Variants in GCN1 observed in about 807,000 individuals in gnomAD.
GCN1 encodes the protein stalled ribosome sensor GCN1.
GCN1 carries 90 observed loss-of-function variants against 288.4 expected under a neutral mutation model. The observed-to-expected ratio is 0.31, with a 90% CI of 0.26 to 0.37. GCN1 has a LOEUF of 0.37. Among genes scored for constraint, GCN1 ranks in the 10% least tolerant of loss-of-function variants. The probability of loss-of-function intolerance (pLI) is 1.00; values close to 1 mark genes in which losing one functional copy is unlikely to be tolerated. For synonymous variants in GCN1, 1,386 were observed against 1,420.2 expected (o/e 0.98, Z 0.54); for missense variants, 2,586 against 3,419.9 (o/e 0.76, Z 6.08).
intron 5 of GCN1, among the ~76,000 whole-genome samples, chr12:120,183,117 A>G (rs1369015020): frequency 6.6e-6 from 1 of 152,190 alleles, no homozygotes; most frequent in African/African-American, 2.4e-5. Context: ...AGGGAATTTA[A>G]GAACCAAAAC....
chr12:120,159,909 T>G lies in GCN1; in HGVS notation c.2665A>C (p.Lys889Gln), dbSNP rs1877871416. 1 of 1,614,072 alleles carries G rather than the reference T, an allele frequency of 6.2e-7. No individual in the cohort carries two copies. Among genetic ancestry groups the G allele is most frequent in the Non-Finnish European group, 8.5e-7 (1 of 1,179,980 alleles). Residue 889 changes from lysine to glutamine, a missense_variant, in exon 24 of 58, where the codon AAG becomes CAG. Physicochemically the swap from Lys to Gln is moderately conservative, Grantham distance 53. Transcript: ENST00000300648. ...VLVDSFLPLL[K>Q]SPLAAPRIKN... The stretch of plus-strand genomic sequence containing the variant: ...ATCCTGGGAGCAGCCAGGGGAGACT[T>G]CAGCAAGGGCAGAAAAGAGTCGACC...
In GCN1 at chr12:120,177,559, C is replaced by A. The variant is rs760788646; in HGVS notation, c.730-4G>T. On this transcript the variant is annotated splice_polypyrimidine_tract_variant and splice_region_variant and intron_variant, in intron 8 of 57. Coordinates refer to ENST00000300648, the MANE Select transcript of GCN1 (RefSeq NM_006836.2). Reference sequence around the variant, plus strand: ...GGAGCAGAGGGGCACAGCTATCCTACAAAGAAAAAGGAATAAGGCACCTAG... The same window carrying A: ...GGAGCAGAGGGGCACAGCTATCCTAAAAAGAAAAAGGAATAAGGCACCTAG... 2.5e-6 allele frequency: 4 copies of A among 1,602,314 alleles called. No individual in the cohort carries two copies. Among genetic ancestry groups the A allele is most frequent in the East Asian group, 4.5e-5 (2 of 44,816 alleles).
chr12:120,146,407 G>A (rs953219626), intron 38 of GCN1, among the ~76,000 whole-genome samples: 1 of 151,718 alleles, frequency 6.6e-6, no homozygotes, highest in African/African-American at 2.4e-5. Flanking sequence ...GCTGGAGTGC[G>A]GTGGTATTAT....
In GCN1 at chr12:120,144,755, C is replaced by T. The variant is rs1354850283; in HGVS notation, c.5236G>A (p.Val1746Met). 1 of 1,613,890 alleles carries T rather than the reference C, an allele frequency of 6.2e-7. No homozygotes were observed. The highest frequency in any genetic ancestry group is 8.5e-7 in the Non-Finnish European group (1 of 1,179,856). Reference protein sequence around the residue: ...MPEIVATASKVDIAPHVRDGY... With the variant: ...MPEIVATASKMDIAPHVRDGY... ...TCTCGGACATGGGGTGCAATGTCCA[C>T]TTTGCTGGCTGTAGCCACGATTTCT... is the stretch of plus-strand genomic sequence containing the variant. The change falls in exon 41 of 58, where the codon GTG (valine) becomes ATG (methionine). Residue 1746 changes from valine to methionine, a missense_variant. Around this residue, in one of 8 missense-constraint regions of GCN1, gnomAD observed 371 missense variants for 572.6 expected, o/e 0.65. Transcript: ENST00000300648. The surrounding 1 kb of genome is among the most constrained non-coding windows in gnomAD (Gnocchi z 4.7).
At chr12:120,150,793 C>T (rs535361306) in intron 34 of GCN1, among the ~76,000 whole-genome samples, 19 of 151,732 alleles carry the variant, frequency 1.3e-4, no homozygotes, top group Admixed American at 5.9e-4. Context: ...AAAAATTAGC[C>T]GGGCGTGGTG....
chr12:120,138,898 AAAG>A lies in GCN1; in HGVS notation c.5995-45_5995-43del, dbSNP rs745851803. ...CAACTGTACCAGATGCAGGAAAGGC[AAAG>A]AAGGAGCAGAAGCAGACAAGAAGCA... On this transcript the variant is annotated intron_variant, in intron 45 of 57. Transcript: ENST00000300648. The A allele has an allele frequency of 6.4e-6, 10 of 1,559,566 alleles. No homozygotes were observed. The Admixed American group carries it at 9.0e-5, about 14-fold the overall frequency.
At position 120,156,965 on chromosome 12, in the gene GCN1, C is replaced by T. The variant is rs1367571433; in HGVS notation, c.3115G>A (p.Ala1039Thr). The T allele has an allele frequency of 6.2e-7, 1 of 1,613,082 alleles. No homozygotes were observed. Among genetic ancestry groups the T allele is most frequent in the South Asian group, 1.1e-5 (1 of 91,060 alleles). ...ACCCAAGTCAGAAGACGCAGCATGG[C>T]CACGCGAGGCAGCAACTCCGGGCCA... Reference protein sequence around the residue: ...ENGPELLPRVAMLRLLTWVIG... With the variant: ...ENGPELLPRVTMLRLLTWVIG... The change falls in exon 27 of 58, where the codon GCC becomes ACC. Residue 1039 changes from alanine to threonine, a missense_variant. Around this residue, in one of 8 missense-constraint regions of GCN1, gnomAD observed 153 missense variants for 252.0 expected, o/e 0.61. Coordinates refer to ENST00000300648, the MANE Select transcript of GCN1 (RefSeq NM_006836.2). This position sits in a 1 kb window ranked among gnomAD's most constrained non-coding sequence, Gnocchi z 5.8.
At chr12:120,145,443 G>T in intron 38 of GCN1, 113 bp from the exon 39 acceptor site, 1 of 740,592 alleles carries the variant, frequency 1.4e-6, no homozygotes, top group Non-Finnish European at 2.1e-6. Context: ...CTTGGCAGGG[G>T]CACCTAGCAT....
chr12:120,180,107 G>A (rs1459986529), intron 5 of GCN1, among the ~76,000 whole-genome samples: 2 of 151,878 alleles, frequency 1.3e-5, no homozygotes, highest in Admixed American at 1.3e-4. Context: ...GGGAGTTCAA[G>A]ACCAGTCTGA....
At chr12:120,133,153 G>A (rs891242379) in intron 53 of GCN1, among the ~76,000 whole-genome samples, 2 of 152,224 alleles carry the variant, frequency 1.3e-5, no homozygotes, top group African/African-American at 4.8e-5. Flanking sequence ...TGGAGCCATG[G>A]GAAGTGCAGC....
chr12:120,146,265 C>CA (rs59213540), intron 38 of GCN1, among the ~76,000 whole-genome samples: 2,464 of 61,030 alleles, frequency 0.04, 53 homozygotes, highest in African/African-American at 0.095. Flanking sequence ...GACTCCATCT[C>CA]AAAAAAAAAA....
chr12:120,157,933 C>A lies in GCN1; in HGVS notation c.3003G>T (p.Glu1001Asp). 5 of 1,601,468 alleles carry A rather than the reference C, an allele frequency of 3.1e-6. No individual in the cohort carries two copies. Among genetic ancestry groups the A allele is most frequent in the Non-Finnish European group, 4.3e-6 (5 of 1,169,984 alleles). The change falls in exon 26 of 58, where the codon GAG becomes GAT. Residue 1001 changes from glutamate (E) to aspartate (D), a missense_variant. Coordinates refer to ENST00000300648, the MANE Select transcript of GCN1 (RefSeq NM_006836.2). ...GGATCTGAAGAATCTGGGCCATCCA[C>A]TCCTCCTCCTCCTCACTGTGGTGGG... is the stretch of plus-strand genomic sequence containing the variant. ...EMPHHSEEEE[E>D]WMAQILQILT...
chr12:120,142,800 G>A lies in GCN1; in HGVS notation c.5613+24C>T, dbSNP rs1566300960. 8 of 1,587,976 alleles carry A rather than the reference G, an allele frequency of 5.0e-6. No individual in the cohort carries two copies. Among genetic ancestry groups the A allele is most frequent in the Non-Finnish European group, 6.9e-6 (8 of 1,156,156 alleles). The stretch of plus-strand genomic sequence containing the variant: ...TCAGGGCACACCCTACCATCAGCAG[G>A]GGCAGGAAAGCCACTGCAGGCACCT... On this transcript the variant is annotated intron_variant, in intron 43 of 57. Transcript: ENST00000300648. The surrounding 1 kb of genome is among the most constrained non-coding windows in gnomAD (Gnocchi z 4.9).
intron 45 of GCN1, among the ~76,000 whole-genome samples, chr12:120,139,833 T>C (rs1469607069): frequency 3.9e-5 from 6 of 152,230 alleles, no homozygotes; most frequent in Non-Finnish European, 7.3e-5. Flanking sequence ...TCCAAGTCCT[T>C]CTTCAAGTCT....
chr12:120,194,485 C>T (rs931633750), intron 1 of GCN1, among the ~76,000 whole-genome samples, 195 bp downstream of exon 1: 2 of 152,250 alleles, frequency 1.3e-5, no homozygotes, highest in African/African-American at 4.8e-5. Flanking sequence ...TCCTCGAGCC[C>T]GCGGTCTGCC....
At chr12:120,154,891 C>T in intron 31 of GCN1, 79 bp downstream of exon 31, 1 of 1,321,946 alleles carries the variant, frequency 7.6e-7, no homozygotes, top group Non-Finnish European at 1.1e-6. Context: ...ACCCATGCTG[C>T]CTCCTCACAG....
chr12:120,185,214 T>C (rs1358098652), intron 2 of GCN1, among the ~76,000 whole-genome samples: 5 of 152,212 alleles, frequency 3.3e-5, no homozygotes, highest in Non-Finnish European at 7.3e-5. Context: ...GTGTTTAACA[T>C]GTGATGATTC....
chr12:120,149,587 G>A lies in GCN1; in HGVS notation c.4546+19C>T, dbSNP rs748061976. On this transcript the variant is annotated intron_variant, in intron 36 of 57. Coordinates refer to ENST00000300648, the MANE Select transcript of GCN1 (RefSeq NM_006836.2). Reference sequence around the variant, plus strand: ...TCATAACAGGAAGCTGGGAAGAGAGGCAGAGCGAGTGGTCTTACCAGCTTT... The same window carrying A: ...TCATAACAGGAAGCTGGGAAGAGAGACAGAGCGAGTGGTCTTACCAGCTTT... The A allele has an allele frequency of 2.6e-6, 4 of 1,530,198 alleles. No homozygotes were observed. The highest frequency in any genetic ancestry group is 1.7e-5 in the Admixed American group (1 of 59,858). The allele number at this position is 1,530,198 out of a possible 1,614,324, so 94.8% of individuals were successfully genotyped here. A position where few individuals can be genotyped will look rare whatever the true frequency, so the allele number is the denominator to read the frequency against.
At chr12:120,175,080 T>G in intron 12 of GCN1, 82 bp downstream of exon 12, 2 of 1,222,436 alleles carry the variant, frequency 1.6e-6, no homozygotes, top group Non-Finnish European at 2.3e-6. Context: ...TGAGCTGAGA[T>G]GGCACCACTG....
Sources: gnomAD v4.1 joint callset for allele counts (sites outside exome capture counted in the v4.1 genomes callset) on GRCh38, gnomAD v4.1.1 for gene constraint, gnomAD v4.1.1 regional missense constraint, Gnocchi (gnomAD v3.1) non-coding constraint, MANE v1.5 for transcripts, NCBI Gene and HGNC (gene_info 2026-07-23, HGNC 2026-07-21) for gene names.